GSR: variants seen among roughly 807,000 people sequenced by gnomAD.
GSR encodes glutathione reductase, mitochondrial.
In GSR, 48 loss-of-function variants were observed where a neutral mutation model predicts 56.5. The ratio of observed to expected loss-of-function variants is 0.85; its 90% CI spans 0.67 to 1.08. GSR has a LOEUF of 1.08. Ranked by LOEUF, GSR falls within the 50% of genes least tolerant of loss-of-function variation. The pLI, the probability that GSR is intolerant of heterozygous loss-of-function variation, is 0.00. For missense variants in GSR, 694 were observed against 703.3 expected, an observed-to-expected ratio of 0.99 and a Z score of 0.15; for synonymous variants, 264 against 270.8, an observed-to-expected ratio of 0.97 and a Z score of 0.25.
chr8:30,685,199 A>T (rs901766644), intron 9 of GSR, among the ~76,000 whole-genome samples: 2 of 152,032 alleles, frequency 1.3e-5, no homozygotes, highest in African/African-American at 4.8e-5. Flanking sequence ...TGACCTCGTG[A>T]TCCACCTGCC....
At chr8:30,723,287 C>T (rs769844624) in intron 1 of GSR, among the ~76,000 whole-genome samples, 2 of 152,144 alleles carry the variant, frequency 1.3e-5, no homozygotes, top group Non-Finnish European at 2.9e-5. Flanking sequence ...CCAGTCTACA[C>T]GAGATCATGA....
intron 10 of GSR, among the ~76,000 whole-genome samples, chr8:30,683,099 T>C (rs1464409523): frequency 6.6e-6 from 1 of 152,180 alleles, no homozygotes; most frequent in Non-Finnish European, 1.5e-5. Flanking sequence ...GTGCTGAGAT[T>C]ACAGGCGTGA....
At chr8:30,704,111 G>A (rs927220986) in intron 4 of GSR, among the ~76,000 whole-genome samples, 2 of 152,080 alleles carry the variant, frequency 1.3e-5, no homozygotes, top group Non-Finnish European at 2.9e-5. Flanking sequence ...GATCACCTGA[G>A]GTCGGGAGTT....
chr8:30,709,733 T>G, intron 3 of GSR, 81 bp downstream of exon 3: 1 of 790,648 alleles, frequency 1.3e-6, no homozygotes, highest in Non-Finnish European at 2.3e-6. Context: ...TCCTCCTCCA[T>G]CCCTAAAAAA....
chr8:30,721,857 C>T (rs1804548533), intron 1 of GSR, among the ~76,000 whole-genome samples: 1 of 145,558 alleles, frequency 6.9e-6, no homozygotes, highest in African/African-American at 2.5e-5. Flanking sequence ...CTCGTCTCTA[C>T]AAAAAAAAAA....
intron 6 of GSR, among the ~76,000 whole-genome samples, chr8:30,699,061 G>A (rs377283056): frequency 5.3e-5 from 8 of 152,236 alleles, no homozygotes; most frequent in African/African-American, 1.9e-4. Context: ...CAAGGTGGGA[G>A]GATTGCTTGA....
At chr8:30,718,111 AAAATAAATAAATAAAT>A (rs35132121) in intron 1 of GSR, among the ~76,000 whole-genome samples, 1 of 147,722 alleles carries the variant, frequency 6.8e-6, no homozygotes, top group Admixed American at 6.8e-5. Flanking sequence ...CAAAAAAATA[AAAATAAATAAATAAAT>A]AAATAAATAA....
chr8:30,696,523 T>C (rs1159464999), intron 6 of GSR, 44 bp from the exon 7 acceptor site: 1 of 1,292,782 alleles, frequency 7.7e-7, no homozygotes, highest in East Asian at 2.3e-5. Context: ...TAAACTAATT[T>C]TGGAATAATT....
intron 1 of GSR, among the ~76,000 whole-genome samples, chr8:30,713,482 C>G (rs1405171838): frequency 1.3e-5 from 2 of 151,920 alleles, no homozygotes; most frequent in Non-Finnish European, 2.9e-5. Flanking sequence ...CCTCAGCCTC[C>G]CGAGTAGCTG....
At chr8:30,686,760 ATG>A (rs1455166836) in intron 9 of GSR, among the ~76,000 whole-genome samples, 3 of 152,036 alleles carry the variant, frequency 2.0e-5, no homozygotes, top group Non-Finnish European at 4.4e-5. Flanking sequence ...CATCTGTACA[ATG>A]GCAAAATATC....
chr8:30,680,112 A>G (rs1802892176), intron 12 of GSR, among the ~76,000 whole-genome samples: 1 of 152,190 alleles, frequency 6.6e-6, no homozygotes, highest in Non-Finnish European at 1.5e-5. Flanking sequence ...ATGACAAATA[A>G]TGTTTATCAA....
chr8:30,680,752 C>A (rs1260617608), intron 12 of GSR, 152 bp downstream of exon 12: 2 of 744,684 alleles, frequency 2.7e-6, no homozygotes, highest in East Asian at 2.5e-5. Flanking sequence ...TTATGAAGAA[C>A]CCCAAAATGC....
At chr8:30,698,774 G>A (rs957687894) in intron 6 of GSR, among the ~76,000 whole-genome samples, 4 of 152,188 alleles carry the variant, frequency 2.6e-5, no homozygotes, top group African/African-American at 7.2e-5. Flanking sequence ...GCCCCTGAGG[G>A]AGCAGAAGAG....
chr8:30,683,738 G>C (rs1167642787), intron 10 of GSR, among the ~76,000 whole-genome samples: 1 of 126,976 alleles, frequency 7.9e-6, no homozygotes, highest in African/African-American at 3.1e-5. Context: ...CTCCAGCCTG[G>C]GTAACAGAGT....
rs1205125523 is a variant in GSR at position 30,678,133 on chromosome 8, A to G, written c.*1387T>C. 3 of 151,972 alleles carry G rather than the reference A, an allele frequency of 2.0e-5. No individual in the cohort carries two copies. The highest frequency in any genetic ancestry group is 4.4e-5 in the Non-Finnish European group (3 of 68,018). The allele number at this position is 151,972 out of a possible 1,614,324, so 9.4% of individuals were successfully genotyped here. On this transcript the variant is annotated 3_prime_UTR_variant, in exon 13 of 13. Transcript: ENST00000221130. Reference sequence around the variant, plus strand: ...TTTTTCAGAAAAAAATAAAATGACAAGAACACATACAAATATTGAAATTAT... The same window carrying G: ...TTTTTCAGAAAAAAATAAAATGACAGGAACACATACAAATATTGAAATTAT...
rs144705022 is a variant in GSR, at chr8:30,687,679, A to C, written c.1041+1482T>G. Reference sequence around the variant, plus strand: ...ACAAACAAACAAACAAACAAACAAAAAAACCCAGAACAAAATAAATATATG... The same window carrying C: ...ACAAACAAACAAACAAACAAACAAACAAACCCAGAACAAAATAAATATATG... On this transcript the variant is annotated intron_variant, in intron 9 of 12. Coordinates refer to ENST00000221130, the MANE Select transcript of GSR (RefSeq NM_000637.5). 3.5e-3 allele frequency: 530 copies of C among 152,106 alleles called. 8 individuals are homozygous for C. The highest frequency in any genetic ancestry group is 0.01 in the Middle Eastern group (3 of 294). 9.4% of individuals were successfully genotyped at this position (152,106 alleles called of 1,614,324 possible).
chr8:30,715,780 C>T (rs1415779309), intron 1 of GSR, among the ~76,000 whole-genome samples: 1 of 152,188 alleles, frequency 6.6e-6, no homozygotes, highest in Non-Finnish European at 1.5e-5. Flanking sequence ...TCATAAAGCA[C>T]TCAATGTTCT....
intron 1 of GSR, among the ~76,000 whole-genome samples, chr8:30,724,537 C>A (rs571265269): frequency 7.0e-6 from 1 of 142,206 alleles, no homozygotes; most frequent in East Asian, 2.1e-4. Flanking sequence ...ACTACCCAAC[C>A]CCCCACCTTT....
intron 7 of GSR, among the ~76,000 whole-genome samples, chr8:30,695,360 C>T (rs547765667): frequency 1.3e-5 from 2 of 152,126 alleles, no homozygotes; most frequent in East Asian, 1.9e-4. Context: ...CTCAGCCTCC[C>T]GTGTAGCTGT....
Sources: gnomAD v4.1 joint callset for allele counts (sites outside exome capture counted in the v4.1 genomes callset) on GRCh38, gnomAD v4.1.1 for gene constraint, MANE v1.5 for transcripts, NCBI Gene and HGNC (gene_info 2026-07-23, HGNC 2026-07-21) for gene names.